NELL1: variants seen among roughly 807,000 people sequenced by gnomAD.
NELL1 encodes the protein protein kinase C-binding protein NELL1.
NELL1 carries 76 observed loss-of-function variants against 107.4 expected under a neutral mutation model. That is an observed-to-expected ratio of 0.71 (90% CI 0.59 to 0.86). NELL1 has a LOEUF of 0.86. Ranked by LOEUF, NELL1 falls within the 40% of genes least tolerant of loss-of-function variation. The pLI is 0.00. For missense variants in NELL1, 1,024 were observed against 1,005.5 expected (o/e 1.02, Z -0.25); for synonymous variants, 353 against 341.2 (o/e 1.03, Z -0.38).
At chr11:20,824,221 C>T (rs1188409563) in intron 3 of NELL1, among the ~76,000 whole-genome samples, 1 of 151,236 alleles carries the variant, frequency 6.6e-6, no homozygotes, top group Admixed American at 6.7e-5. Flanking sequence ...GACGTATTTG[C>T]TTCTCCTTCT....
chr11:21,549,412 C>A (rs1856522687), intron 16 of NELL1, among the ~76,000 whole-genome samples: 4 of 151,858 alleles, frequency 2.6e-5, no homozygotes, highest in Admixed American at 1.3e-4. Context: ...GGATAGCAAA[C>A]CATCTGCAGG....
At chr11:21,439,451 C>T (rs1055099689) in intron 15 of NELL1, among the ~76,000 whole-genome samples, 3 of 152,118 alleles carry the variant, frequency 2.0e-5, no homozygotes, top group South Asian at 2.1e-4. Flanking sequence ...GGATCACTGA[C>T]TGGAACAGTG....
intron 10 of NELL1, among the ~76,000 whole-genome samples, chr11:20,946,283 T>C (rs1035067577): frequency 6.6e-6 from 1 of 152,146 alleles, no homozygotes; most frequent in Non-Finnish European, 1.5e-5. Context: ...TTAAATGAGA[T>C]GCCTCTTCTT....
intron 12 of NELL1, among the ~76,000 whole-genome samples, chr11:21,102,418 A>C (rs1483389871): frequency 6.6e-6 from 1 of 152,048 alleles, no homozygotes; most frequent in Non-Finnish European, 1.5e-5. Context: ...TAGAAGCACC[A>C]CATTAGGAGC....
chr11:20,733,361 ACC>A (rs1415213376), intron 2 of NELL1, among the ~76,000 whole-genome samples: 3 of 152,144 alleles, frequency 2.0e-5, no homozygotes, highest in Non-Finnish European at 4.4e-5. Context: ...GTAGAAATTA[ACC>A]TGTAAGTGCT....
At chr11:21,399,281 A>G (rs1429456579) in intron 15 of NELL1, among the ~76,000 whole-genome samples, 1 of 151,736 alleles carries the variant, frequency 6.6e-6, no homozygotes, top group Non-Finnish European at 1.5e-5. Context: ...GTTCATTACT[A>G]GTATCTAGGC....
At chr11:21,422,869 T>A (rs1852720311) in intron 15 of NELL1, among the ~76,000 whole-genome samples, 1 of 152,060 alleles carries the variant, frequency 6.6e-6, no homozygotes, top group Admixed American at 6.6e-5. Flanking sequence ...TAGATTAATC[T>A]CTCCAATCAA....
chr11:20,692,950 C>G (rs1195944424), intron 2 of NELL1, among the ~76,000 whole-genome samples: 6 of 152,078 alleles, frequency 3.9e-5, no homozygotes, highest in Admixed American at 3.3e-4. Context: ...TCAGGACTTG[C>G]TTTATGAATC....
intron 13 of NELL1, among the ~76,000 whole-genome samples, chr11:21,190,488 G>A (rs1388034637): frequency 6.6e-6 from 1 of 151,810 alleles, no homozygotes; most frequent in Non-Finnish European, 1.5e-5. Flanking sequence ...TAGTTCCAAG[G>A]GATAGGAACT....
At chr11:21,574,425 A>T (rs1857174556) in intron 19 of NELL1, among the ~76,000 whole-genome samples, 1 of 151,800 alleles carries the variant, frequency 6.6e-6, no homozygotes, top group South Asian at 2.1e-4. Flanking sequence ...ATTATGTGGA[A>T]TTATAAAGGT....
intron 12 of NELL1, among the ~76,000 whole-genome samples, chr11:21,023,727 A>G (rs141921986): frequency 2.3e-4 from 35 of 152,154 alleles, no homozygotes; most frequent in Non-Finnish European, 3.1e-4. Flanking sequence ...GAACATGCTA[A>G]TAAAGACAAT....
chr11:20,701,479 G>T (rs1256055426), intron 2 of NELL1, among the ~76,000 whole-genome samples: 1 of 152,090 alleles, frequency 6.6e-6, no homozygotes, highest in African/African-American at 2.4e-5. Flanking sequence ...TCTGATGGTA[G>T]TTTCTTTTGC....
At position 20,915,713 on chromosome 11, in the gene NELL1, ATATATTTTT is replaced by A. The variant is rs1564964670; in HGVS notation, c.604-2467_604-2459del. Among the ~76,000 whole-genome samples, 19 of 57,692 alleles carry A rather than the reference ATATATTTTT, an allele frequency of 3.3e-4. 1 individual carries two copies. The highest frequency in any genetic ancestry group is 1.2e-3 in the South Asian group (2 of 1,624). 37.8% of individuals were successfully genotyped at this position (57,692 alleles called of 152,430 possible). ...ATCCTCATAGATGATATATATATAT[ATATATTTTT>A]TTTTTTTTTTTTTGAGAGGAATAAG... On this transcript the variant is annotated intron_variant, in intron 5 of 19. Transcript: ENST00000357134.
intron 2 of NELL1, among the ~76,000 whole-genome samples, chr11:20,738,400 A>C (rs1315526981): frequency 6.6e-6 from 1 of 152,110 alleles, no homozygotes; most frequent in East Asian, 1.9e-4. Context: ...TTGCTGGGGC[A>C]CAGGGAGTGC....
chr11:21,410,165 T>G (rs1195968418), intron 15 of NELL1, among the ~76,000 whole-genome samples: 1 of 152,068 alleles, frequency 6.6e-6, no homozygotes, highest in Non-Finnish European at 1.5e-5. Flanking sequence ...GAAATGTAAA[T>G]TACTTTCCCT....
intron 15 of NELL1, among the ~76,000 whole-genome samples, chr11:21,413,570 G>A (rs910297035): frequency 1.3e-5 from 2 of 151,972 alleles, no homozygotes; most frequent in Admixed American, 1.3e-4. Flanking sequence ...GCCTCACATG[G>A]GTTACTAAGA....
At chr11:21,563,146 C>T (rs904265524) in intron 17 of NELL1, among the ~76,000 whole-genome samples, 2 of 152,066 alleles carry the variant, frequency 1.3e-5, no homozygotes, top group Admixed American at 1.3e-4. Flanking sequence ...GTGGTTGTCT[C>T]TCTGGGATTG....
At chr11:21,215,163 G>A (rs1039165697) in intron 13 of NELL1, among the ~76,000 whole-genome samples, 1 of 152,094 alleles carries the variant, frequency 6.6e-6, no homozygotes, top group Non-Finnish European at 1.5e-5. Context: ...TCTCATGATA[G>A]TGAGTGCATT....
In NELL1 at chr11:20,927,162, C is replaced by CA. The variant is rs200070894; in HGVS notation, c.760-140dup. 5,246 of 679,392 alleles carry CA rather than the reference C, an allele frequency of 7.7e-3. 229 individuals are homozygous for CA. In the African/African-American group the frequency reaches 0.087, roughly 11 times the overall value. The allele number at this position is 679,392 out of a possible 1,614,324, so 42.1% of individuals were successfully genotyped here. A position where few individuals can be genotyped will look rare whatever the true frequency, so the allele number is the denominator to read the frequency against. ...CCTTGTGTAAAAAAAATAAAAAAAA[C>CA]AAAAAACAGATAATGCTAAGAATCA... On this transcript the variant is annotated intron_variant, in intron 7 of 19. Coordinates refer to ENST00000357134, the MANE Select transcript of NELL1 (RefSeq NM_006157.5).
Sources: gnomAD v4.1 joint callset for allele counts (sites outside exome capture counted in the v4.1 genomes callset) on GRCh38, gnomAD v4.1.1 for gene constraint, MANE v1.5 for transcripts, NCBI Gene and HGNC (gene_info 2026-07-23, HGNC 2026-07-21) for gene names.